Variants in RBM19 observed in about 807,000 individuals in gnomAD.
The protein encoded by RBM19 is RNA binding motif protein 19, also known as probable RNA-binding protein 19.
In RBM19, 94 loss-of-function variants were observed where a neutral mutation model predicts 116.8. The observed-to-expected ratio is 0.80, with a 90% confidence interval of 0.68 to 0.95. The LOEUF (loss-of-function observed/expected upper bound fraction) is 0.95, where lower values mean the gene tolerates loss of function less well. Ranked by LOEUF, RBM19 falls within the 40% of genes least tolerant of loss-of-function variation. RBM19 has a pLI of 0.00. For missense variants in RBM19, 1,161 were observed against 1,220.7 expected, an observed-to-expected ratio of 0.95 and a Z score of 0.73; for synonymous variants, 475 against 494.1, an observed-to-expected ratio of 0.96 and a Z score of 0.51.
At chr12:113,871,825 A>T (rs1002409927) in intron 21 of RBM19, among the ~76,000 whole-genome samples, 5 of 152,082 alleles carry the variant, frequency 3.3e-5, no homozygotes, top group African/African-American at 7.2e-5. Flanking sequence ...CGCGCCGGCG[A>T]GCGCCGCCCG....
intron 23 of RBM19, among the ~76,000 whole-genome samples, chr12:113,833,199 C>T (rs529040127): frequency 7.5e-4 from 114 of 152,284 alleles, no homozygotes; most frequent in African/African-American, 2.4e-3. Context: ...ACCACCATCC[C>T]GTGAGTGGCT....
intron 21 of RBM19, among the ~76,000 whole-genome samples, chr12:113,872,068 C>A (rs928009454): frequency 2.7e-4 from 39 of 146,478 alleles, no homozygotes; most frequent in Admixed American, 2.7e-4. Flanking sequence ...GCCATCCCAT[C>A]TAGGAAGTGA....
chr12:113,907,476 G>A (rs1882141367), intron 21 of RBM19, among the ~76,000 whole-genome samples: 1 of 152,192 alleles, frequency 6.6e-6, no homozygotes, highest in Non-Finnish European at 1.5e-5. Flanking sequence ...CTGAAGGAAT[G>A]AAAGCACGCA....
At chr12:113,824,254 C>T (rs753277587) in intron 23 of RBM19, among the ~76,000 whole-genome samples, 7 of 152,156 alleles carry the variant, frequency 4.6e-5, no homozygotes, top group African/African-American at 1.2e-4. Context: ...AGCTAAGAAG[C>T]GGTGGAGCCA....
At chr12:113,958,630 G>A (rs1241296983) in intron 5 of RBM19, among the ~76,000 whole-genome samples, 1 of 152,074 alleles carries the variant, frequency 6.6e-6, no homozygotes, top group African/African-American at 2.4e-5. Context: ...AACGTTACCA[G>A]GCATAACTGC....
chr12:113,922,512 A>T (rs1868672972), intron 18 of RBM19, among the ~76,000 whole-genome samples: 1 of 152,112 alleles, frequency 6.6e-6, no homozygotes, highest in Admixed American at 6.5e-5. Context: ...GGCCCCACAG[A>T]GCATCTGACT....
chr12:113,936,760 A>C, intron 16 of RBM19: 1 of 417,038 alleles, frequency 2.4e-6, no homozygotes, highest in Non-Finnish European at 4.3e-6. Flanking sequence ...AATCCTTGTT[A>C]ATAGATAGTA....
chr12:113,936,651 G>A (rs763997176), intron 16 of RBM19, among the ~76,000 whole-genome samples: 1 of 152,178 alleles, frequency 6.6e-6, no homozygotes, highest in Non-Finnish European at 1.5e-5. Context: ...CCACTCCAAG[G>A]ACATGAGAAT....
In RBM19 at chr12:113,942,419, C is replaced by T. The variant is rs767977845; in HGVS notation, c.1642G>A (p.Val548Met). The change falls in exon 14 of 24, where the codon GTG becomes ATG. Residue 548 changes from valine (V) to methionine (M), a missense_variant. By Grantham distance (21) the Val-to-Met change is conservative (BLOSUM62 1). Coordinates refer to ENST00000261741, the MANE Select transcript of RBM19 (RefSeq NM_016196.4). ...QVFDHETKGSVAVRVALGETQ... is the reference protein window; with the variant it reads ...QVFDHETKGSMAVRVALGETQ... ...TCCCCCAGAGCCACGCGCACGGCCA[C>T]GCTGCCCTTGGTCTCCTGTGGAAGA... 1.7e-5 allele frequency: 27 copies of T among 1,607,062 alleles called. No individual in the cohort carries two copies. Among genetic ancestry groups the T allele is most frequent in the Admixed American group, 6.7e-5 (4 of 59,886 alleles).
chr12:113,932,979 C>A (rs551732432), intron 16 of RBM19, among the ~76,000 whole-genome samples: 1 of 152,104 alleles, frequency 6.6e-6, no homozygotes, highest in Admixed American at 6.5e-5. Flanking sequence ...GAATTTACTG[C>A]GGCCTCCTCC....
intron 21 of RBM19, among the ~76,000 whole-genome samples, chr12:113,905,829 T>G (rs897197912): frequency 2.2e-4 from 33 of 152,208 alleles, no homozygotes; most frequent in African/African-American, 7.7e-4. Flanking sequence ...ACAATAGATA[T>G]CCAAATGGCT....
intron 18 of RBM19, among the ~76,000 whole-genome samples, chr12:113,922,749 T>C (rs1868703722): frequency 6.6e-6 from 1 of 152,156 alleles, no homozygotes. Context: ...GTGAACAGTG[T>C]CTTCCCAGAC....
chr12:113,922,266 A>G (rs1360008575), intron 18 of RBM19, among the ~76,000 whole-genome samples: 2 of 152,098 alleles, frequency 1.3e-5, no homozygotes, highest in Admixed American at 6.5e-5. Context: ...CCTTCCTTAC[A>G]GACATCTCTG....
chr12:113,937,031 T>C lies in RBM19; in HGVS notation c.2044A>G (p.Lys682Glu), dbSNP rs1238365684. 2.5e-6 allele frequency: 4 copies of C among 1,614,020 alleles called. No individual in the cohort carries two copies. The highest frequency in any genetic ancestry group is 2.7e-5 in the African/African-American group (2 of 74,914). ...LQDTPSEPME[K>E]DPAEPETVPD... ...CCTGTTTCTGGCTCTGCTGGGTCCT[T>C]TTCCATGGGTTCTGAAGGTGTGTCT... Residue 682 changes from lysine (K) to glutamate (E), a missense_variant, in exon 16 of 24, where the codon AAG (lysine) becomes GAG (glutamate). Lys to Glu is a moderately conservative substitution (Grantham distance 56). Transcript: ENST00000261741.
chr12:113,965,092 G>A (rs911754590), intron 1 of RBM19, among the ~76,000 whole-genome samples: 5 of 151,864 alleles, frequency 3.3e-5, no homozygotes, highest in Non-Finnish European at 7.4e-5. Context: ...CCAACATGGC[G>A]AAACCCCATG....
At chr12:113,858,621 C>T (rs1878113587) in intron 22 of RBM19, among the ~76,000 whole-genome samples, 170 bp downstream of exon 22, 1 of 152,156 alleles carries the variant, frequency 6.6e-6, no homozygotes, top group Non-Finnish European at 1.5e-5. Flanking sequence ...ATACAAACCC[C>T]CCAGGATCTT....
chr12:113,935,383 A>G (rs921643756), intron 16 of RBM19, among the ~76,000 whole-genome samples: 8 of 152,182 alleles, frequency 5.3e-5, no homozygotes, highest in African/African-American at 1.9e-4. Flanking sequence ...TGGGGGAGAC[A>G]GTTAAGAACA....
intron 21 of RBM19, among the ~76,000 whole-genome samples, chr12:113,866,569 A>G (rs941413602): frequency 6.6e-6 from 1 of 152,234 alleles, no homozygotes; most frequent in African/African-American, 2.4e-5. Flanking sequence ...CAACTGGGTG[A>G]ACCTGGGCAA....
chr12:113,888,556 CATTCTCTTAAG>C (rs147959630), intron 21 of RBM19, among the ~76,000 whole-genome samples: 1 of 152,280 alleles, frequency 6.6e-6, no homozygotes, highest in East Asian at 1.9e-4. Flanking sequence ...CCTTTATGTA[CATTCTCTTAAG>C]ATTCTTAAGA....
Sources: allele counts gnomAD v4.1 joint callset (sites outside exome capture counted in the v4.1 genomes callset), GRCh38; gene constraint gnomAD v4.1.1; transcripts MANE v1.5; gene names NCBI Gene and HGNC (gene_info 2026-07-23, HGNC 2026-07-21).